ZNF333: variants seen among roughly 807,000 people sequenced by gnomAD.
ZNF333 encodes zinc finger protein 333.
Under a neutral mutation model 76.1 loss-of-function variants are expected in ZNF333, and 61 were observed. The ratio of observed to expected loss-of-function variants is 0.80; its 90% CI spans 0.65 to 0.99. ZNF333 has a LOEUF of 0.99. Among genes scored for constraint, ZNF333 ranks in the 50% least tolerant of loss-of-function variants. The pLI is 0.00. For synonymous variants in ZNF333, 284 were observed against 305.0 expected (o/e 0.93, Z 0.72); for missense variants, 717 against 822.4 (o/e 0.87, Z 1.57).
In ZNF333 at chr19:14,720,839, A is replaced by C. The variant is rs1387912531; in HGVS notation, c.*1514A>C. 1.0e-6 allele frequency: 1 copy of C among 971,104 alleles called. No homozygotes were observed. Among genetic ancestry groups the C allele is most frequent in the Admixed American group, 6.2e-5 (1 of 16,232 alleles). 60.2% of individuals were successfully genotyped at this position (971,104 alleles called of 1,614,324 possible). ...AGGTATGTTAAACTCTCCCACCATG[A>C]TTATGTATTGCTGAAAAATCTTTGT... is the stretch of plus-strand genomic sequence containing the variant. On this transcript the variant is annotated 3_prime_UTR_variant, in exon 12 of 12. Transcript: ENST00000292530.
intron 7 of ZNF333, among the ~76,000 whole-genome samples, chr19:14,707,753 G>A (rs536422440): frequency 2.7e-5 from 4 of 150,122 alleles, no homozygotes; most frequent in South Asian, 2.1e-4. Flanking sequence ...GGGTTTCACC[G>A]TGTTAGCCAG....
intron 7 of ZNF333, chr19:14,707,009 C>T: frequency 2.2e-6 from 1 of 459,678 alleles, no homozygotes; most frequent in East Asian, 3.7e-5. Flanking sequence ...GGCCAGACCT[C>T]TCTTTGGGCA....
In ZNF333 at chr19:14,695,083, G is replaced by T. The variant is rs542712214; in HGVS notation, c.77G>T (p.Ser26Ile). ...GCATTGCTGGACAGCGCACGGAGGA[G>T]CCTGTGCAAATACAGGATGCTTGAC... is the stretch of plus-strand genomic sequence containing the variant. The part of the protein sequence containing the change: ...EWALLDSARR[S>I]LCKYRMLDQC... The change falls in exon 3 of 12, where the codon AGC becomes ATC. Residue 26 changes from serine to isoleucine, a missense_variant. Ser to Ile is a moderately radical substitution (Grantham distance 142). Transcript: ENST00000292530. 7.4e-6 allele frequency: 12 copies of T among 1,614,118 alleles called. No homozygotes were observed. In the South Asian group the frequency reaches 1.2e-4, roughly 16 times the overall value.
Position 14,703,153 on chromosome 19 carries a change from C to T in ZNF333, c.307-1901C>T, listed in dbSNP as rs537988986. On this transcript the variant is annotated intron_variant, in intron 5 of 11. Coordinates refer to ENST00000292530, the MANE Select transcript of ZNF333 (RefSeq NM_032433.4). ...CCAGGGGGCGGAGCTTGCAGTGAGC[C>T]GAGATCGCGCCACTGCACTCCAGCC... 4.8e-4 allele frequency among the ~76,000 whole-genome samples: 70 copies of T among 145,356 alleles called. 1 individual carries two copies. The highest frequency in any genetic ancestry group is 2.3e-3 in the Admixed American group (32 of 13,798).
At chr19:14,704,900 C>A (rs1230904056) in intron 5 of ZNF333, among the ~76,000 whole-genome samples, 154 bp from the exon 6 acceptor site, 1 of 152,226 alleles carries the variant, frequency 6.6e-6, no homozygotes, top group Non-Finnish European at 1.5e-5. Context: ...ACCTCAGCCT[C>A]CCAAAGTGCT....
chr19:14,693,279 G>A (rs1374725524), intron 1 of ZNF333, among the ~76,000 whole-genome samples, 172 bp from the exon 2 acceptor site: 1 of 152,234 alleles, frequency 6.6e-6, no homozygotes, highest in Non-Finnish European at 1.5e-5. Flanking sequence ...GGAAGAGTCA[G>A]TAGCAGTCAC....
intron 9 of ZNF333, 97 bp from the exon 10 acceptor site, chr19:14,716,897 T>C (rs2042447156): frequency 9.0e-7 from 1 of 1,107,124 alleles, no homozygotes; most frequent in African/African-American, 1.6e-5. Context: ...ATTTTGCCAC[T>C]CCCATCTCTA....
At position 14,718,928 on chromosome 19, in the gene ZNF333, A is replaced by T; in HGVS notation, c.1601A>T (p.Tyr534Phe). ...AGGATACACACAGGGGAGAAACTGTATGAGTGCGCGACTTGCGGTCAGGTC... is the reference window on the plus strand; with the variant it reads ...AGGATACACACAGGGGAGAAACTGTTTGAGTGCGCGACTTGCGGTCAGGTC... ...HKRIHTGEKL[Y>F]ECATCGQVLS... The change falls in exon 12 of 12, where the codon TAT becomes TTT. Residue 534 changes from tyrosine to phenylalanine, a missense_variant. Physicochemically the swap from Tyr to Phe is conservative, Grantham distance 22. Transcript: ENST00000292530. 1.2e-6 allele frequency: 2 copies of T among 1,614,130 alleles called. No homozygotes were observed. The highest frequency in any genetic ancestry group is 1.7e-6 in the Non-Finnish European group (2 of 1,179,990).
At chr19:14,702,267 C>G (rs1036422786) in intron 5 of ZNF333, among the ~76,000 whole-genome samples, 4 of 152,224 alleles carry the variant, frequency 2.6e-5, no homozygotes, top group African/African-American at 9.6e-5. Flanking sequence ...AGAATCCCAG[C>G]AACTCCGGAA....
downstream of ZNF333, chr19:14,721,991 A>G (rs1332633109): frequency 6.6e-6 from 1 of 152,216 alleles, no homozygotes; most frequent in Non-Finnish European, 1.5e-5. Context: ...GCTTTAGTAG[A>G]TCTTGCCAGA....
intron 7 of ZNF333, chr19:14,715,169 G>C (rs2042391173): frequency 3.7e-6 from 2 of 535,232 alleles, no homozygotes; most frequent in East Asian, 6.4e-5. Context: ...GTGTGTATAT[G>C]TGTGCATGTC....
In ZNF333 at chr19:14,719,072, G is replaced by A. The variant is rs368975882; in HGVS notation, c.1745G>A (p.Arg582Lys). 4.8e-5 allele frequency: 78 copies of A among 1,614,064 alleles called. No homozygotes were observed. Among genetic ancestry groups the A allele is most frequent in the Non-Finnish European group, 6.4e-5 (75 of 1,180,042 alleles). The change falls in exon 12 of 12, where the codon AGG (arginine) becomes AAG (lysine). Residue 582 changes from arginine to lysine, a missense_variant. Transcript: ENST00000292530. ...SEPSSLRKHA[R>K]THSGKKPYAC... is the part of the protein sequence containing the mutation. ...CCCTCATCCCTCAGGAAACATGCAA[G>A]GACTCACAGTGGCAAGAAGCCCTAT... is the stretch of plus-strand genomic sequence containing the variant.
intron 5 of ZNF333, among the ~76,000 whole-genome samples, chr19:14,702,167 C>G (rs559306815): frequency 6.6e-6 from 1 of 152,084 alleles, no homozygotes; most frequent in Non-Finnish European, 1.5e-5. Context: ...TCTCTTTGGT[C>G]GGCTGGTCCA....
chr19:14,693,544 A>G (rs1972927255), intron 2 of ZNF333, 50 bp downstream of exon 2: 1 of 1,584,226 alleles, frequency 6.3e-7, no homozygotes, highest in Admixed American at 1.7e-5. Flanking sequence ...ATGTAGGATA[A>G]CTATGTCCTC....
Position 14,719,638 on chromosome 19 carries a change from G to T in ZNF333, c.*313G>T. The T allele has an allele frequency of 9.1e-7, 1 of 1,103,236 alleles. No individual in the cohort carries two copies. The highest frequency in any genetic ancestry group is 4.1e-4 in the Middle Eastern group (1 of 2,444). 68.3% of individuals were successfully genotyped at this position (1,103,236 alleles called of 1,614,324 possible). ...CACCACCCCATTCCAGATATAGAAT[G>T]TTTCTATCTCTCTGGAAGGTTCCTG... On this transcript the variant is annotated 3_prime_UTR_variant, in exon 12 of 12. Coordinates refer to ENST00000292530, the MANE Select transcript of ZNF333 (RefSeq NM_032433.4).
intron 7 of ZNF333, chr19:14,707,108 T>C: frequency 4.2e-6 from 1 of 238,762 alleles, no homozygotes; most frequent in Non-Finnish European, 8.0e-6. Context: ...ACTGTGTTTT[T>C]ATAAATGAGG....
chr19:14,710,402 TTGA>T (rs1487284522), intron 7 of ZNF333, among the ~76,000 whole-genome samples: 4 of 152,186 alleles, frequency 2.6e-5, no homozygotes, highest in African/African-American at 4.8e-5. Flanking sequence ...CACCCCAGTC[TTGA>T]TGATCCACTA....
At chr19:14,694,289 A>G (rs567667519) in intron 2 of ZNF333, among the ~76,000 whole-genome samples, 3 of 152,242 alleles carry the variant, frequency 2.0e-5, no homozygotes, top group South Asian at 4.1e-4. Flanking sequence ...CCTGGCCAAC[A>G]TGGTGAAACT....
upstream of ZNF333, chr19:14,690,042 G>A (rs1451619305): frequency 1.3e-5 from 2 of 152,686 alleles, no homozygotes; most frequent in Non-Finnish European, 2.9e-5. Flanking sequence ...GCGGCCCCGA[G>A]ACCGGAAGCG....
Sources: gnomAD v4.1 joint callset for allele counts (sites outside exome capture counted in the v4.1 genomes callset) on GRCh38, gnomAD v4.1.1 for gene constraint, MANE v1.5 for transcripts, NCBI Gene and HGNC (gene_info 2026-07-23, HGNC 2026-07-21) for gene names.